SHANK2: variants seen among roughly 807,000 people sequenced by gnomAD.
SHANK2 encodes the protein SH3 and multiple ankyrin repeat domains protein 2.
Under a neutral mutation model 133.7 loss-of-function variants are expected in SHANK2, and 43 were observed. That is an observed-to-expected ratio of 0.32 (90% CI 0.25 to 0.41). The LOEUF is 0.41. Among genes scored for constraint, SHANK2 ranks in the 10% least tolerant of loss-of-function variants. SHANK2 has a pLI of 1.00. For synonymous variants in SHANK2, 1,017 were observed against 952.8 expected, an observed-to-expected ratio of 1.07 and a Z score of -1.24; for missense variants, 1,994 against 2,235.8, an observed-to-expected ratio of 0.89 and a Z score of 2.18.
chr11:70,791,380 G>C (rs1461423109), intron 14 of SHANK2, among the ~76,000 whole-genome samples: 9 of 152,178 alleles, frequency 5.9e-5, no homozygotes, highest in Non-Finnish European at 1.2e-4. Context: ...CATCTTCCAA[G>C]ATGCATCTCC....
intron 17 of SHANK2, among the ~76,000 whole-genome samples, chr11:70,581,750 C>G (rs1554985507): frequency 6.6e-6 from 1 of 152,306 alleles, no homozygotes; most frequent in Middle Eastern, 3.4e-3. Context: ...AAGTTGGGGC[C>G]TGGTGCACAC....
chr11:70,868,680 C>A (rs1949411387), intron 11 of SHANK2, among the ~76,000 whole-genome samples: 1 of 152,238 alleles, frequency 6.6e-6, no homozygotes, highest in Admixed American at 6.5e-5. Context: ...GCCCAGGGCC[C>A]CACCCACACA....
intron 9 of SHANK2, among the ~76,000 whole-genome samples, chr11:71,073,288 C>A (rs1222729672): frequency 6.6e-6 from 1 of 150,708 alleles, no homozygotes; most frequent in East Asian, 2.0e-4. Flanking sequence ...CCTCCCGAGT[C>A]GCTGGGATTA....
At position 70,496,929 on chromosome 11, in the gene SHANK2, A is replaced by G. The variant is rs953793389; in HGVS notation, c.2308+3641T>C. ...GAGGGTGGGGCTGGTCATGTCATTG[A>G]AGGTGCATCCCTGAAACTGTGGCCA... On this transcript the variant is annotated intron_variant, in intron 21 of 25. Transcript: ENST00000601538. 6.6e-6 allele frequency: 3 copies of G among 456,430 alleles called. No homozygotes were observed. The East Asian group carries it at 2.1e-4, about 32-fold the overall frequency. 28.3% of individuals were successfully genotyped at this position (456,430 alleles called of 1,614,324 possible). A position where few individuals can be genotyped will look rare whatever the true frequency, so the allele number is the denominator to read the frequency against.
chr11:70,481,188 C>G (rs1243760460), intron 25 of SHANK2, among the ~76,000 whole-genome samples: 1 of 152,218 alleles, frequency 6.6e-6, no homozygotes, highest in Non-Finnish European at 1.5e-5. Flanking sequence ...CTGGGAGATG[C>G]CTCTAATATG....
At chr11:71,251,519 G>A (rs1453913268) in intron 1 of SHANK2, among the ~76,000 whole-genome samples, 1 of 151,742 alleles carries the variant, frequency 6.6e-6, no homozygotes, top group Admixed American at 6.6e-5. Context: ...ACCCGGTGGA[G>A]GCGCCTGGGC....
chr11:70,917,078 G>A (rs1441278735), intron 10 of SHANK2, among the ~76,000 whole-genome samples: 5 of 152,098 alleles, frequency 3.3e-5, no homozygotes, highest in East Asian at 1.9e-4. Flanking sequence ...GAGCTGCTTC[G>A]AAGGAAGACA....
intron 9 of SHANK2, among the ~76,000 whole-genome samples, chr11:71,068,093 A>G (rs1951091833): frequency 6.6e-6 from 1 of 152,070 alleles, no homozygotes. Context: ...CATCATCACA[A>G]TCATCATCAC....
chr11:70,818,148 A>T (rs1325435256), intron 12 of SHANK2, among the ~76,000 whole-genome samples: 2 of 152,176 alleles, frequency 1.3e-5, no homozygotes, highest in Non-Finnish European at 2.9e-5. Flanking sequence ...GGCAATGAGC[A>T]TTTGAGGCAG....
At chr11:70,490,466 G>C in intron 22 of SHANK2, 79 bp from the exon 23 acceptor site, 1 of 1,222,706 alleles carries the variant, frequency 8.2e-7, no homozygotes, top group Non-Finnish European at 1.2e-6. Context: ...AGACCACAAG[G>C]GAACTTCCGT....
chr11:70,721,150 T>A (rs1291824802), intron 14 of SHANK2, among the ~76,000 whole-genome samples: 6 of 152,178 alleles, frequency 3.9e-5, no homozygotes, highest in African/African-American at 1.4e-4. Flanking sequence ...CACCGACGTC[T>A]AGGGAGACAA....
At chr11:70,574,260 G>C (rs2060088312) in intron 17 of SHANK2, among the ~76,000 whole-genome samples, 1 of 152,214 alleles carries the variant, frequency 6.6e-6, no homozygotes, top group Non-Finnish European at 1.5e-5. Context: ...GCCCATGCTT[G>C]TTTGGGGCCT....
At chr11:70,636,558 C>T (rs1392353590) in intron 17 of SHANK2, among the ~76,000 whole-genome samples, 2 of 79,018 alleles carry the variant, frequency 2.5e-5, no homozygotes, top group Admixed American at 2.3e-4. Flanking sequence ...CGTGTTAGTA[C>T]ATGTGCATGT....
At chr11:70,672,918 C>T (rs1944841755) in intron 15 of SHANK2, among the ~76,000 whole-genome samples, 1 of 152,160 alleles carries the variant, frequency 6.6e-6, no homozygotes, top group Non-Finnish European at 1.5e-5. Context: ...GCAGTGGGAC[C>T]CTGGACAGGA....
chr11:70,848,478 C>T (rs1223360384), intron 11 of SHANK2, among the ~76,000 whole-genome samples: 2 of 152,168 alleles, frequency 1.3e-5, no homozygotes, highest in South Asian at 2.1e-4. Flanking sequence ...GTTTGGGAAA[C>T]GCCAGATCAA....
intron 17 of SHANK2, among the ~76,000 whole-genome samples, chr11:70,605,696 C>T (rs1240314086): frequency 1.3e-5 from 2 of 152,254 alleles, no homozygotes; most frequent in Admixed American, 6.5e-5. Context: ...AGCTCAACTG[C>T]ACGTTTCCCT....
intron 17 of SHANK2, among the ~76,000 whole-genome samples, chr11:70,572,749 A>G (rs2060061842): frequency 6.6e-6 from 1 of 152,124 alleles, no homozygotes; most frequent in Non-Finnish European, 1.5e-5. Context: ...GACGGCACAC[A>G]CCAAGTGCCG....
chr11:70,878,695 T>G (rs1003553597), intron 11 of SHANK2, among the ~76,000 whole-genome samples: 5 of 152,220 alleles, frequency 3.3e-5, no homozygotes, highest in Non-Finnish European at 5.9e-5. Flanking sequence ...AATGAGTCCA[T>G]GAGTTTGCCA....
chr11:71,140,921 A>G (rs1353691723), intron 3 of SHANK2, among the ~76,000 whole-genome samples: 1 of 152,220 alleles, frequency 6.6e-6, no homozygotes, highest in African/African-American at 2.4e-5. Context: ...AGTTGGTGGC[A>G]CACCCAACGC....
Sources: gnomAD v4.1 joint callset for allele counts (sites outside exome capture counted in the v4.1 genomes callset) on GRCh38, gnomAD v4.1.1 for gene constraint, MANE v1.5 for transcripts, NCBI Gene and HGNC (gene_info 2026-07-23, HGNC 2026-07-21) for gene names.